The following POU3F3 variants were observed in gnomAD, a reference collection of about 807,000 sequenced individuals.
POU3F3 encodes POU class 3 homeobox 3, also known as POU domain, class 3, transcription factor 3.
In POU3F3, 1 loss-of-function variant was observed where a neutral mutation model predicts 8.6. The observed-to-expected ratio is 0.12, with a 90% CI of 0.04 to 0.55. The LOEUF (loss-of-function observed/expected upper bound fraction) is 0.55, where lower values mean the gene tolerates loss of function less well. POU3F3 is among the 20% of genes least tolerant of loss of function. POU3F3 has a pLI of 0.91. For missense variants in POU3F3, 577 were observed against 690.7 expected (o/e 0.84, Z 1.84); for synonymous variants, 418 against 327.4 (o/e 1.28, Z -2.99).
chr2:104,920,126 C>T, the POU3F3 span, among the ~76,000 whole-genome samples: 4 of 152,128 alleles, frequency 2.6e-5, no homozygotes, highest in Non-Finnish European at 5.9e-5. Flanking sequence ...GGGATTCTCC[C>T]GCCTCAGTCA....
At chr2:104,913,151 C>T in the POU3F3 span, among the ~76,000 whole-genome samples, 3 of 151,160 alleles carry the variant, frequency 2.0e-5, no homozygotes, top group Non-Finnish European at 4.4e-5. Flanking sequence ...AGAGGCAATG[C>T]TTGTGACCGT....
the POU3F3 span, among the ~76,000 whole-genome samples, chr2:104,864,915 C>A: frequency 6.6e-6 from 1 of 152,196 alleles, no homozygotes; most frequent in African/African-American, 2.4e-5. Flanking sequence ...GTTAATATCA[C>A]CCTAGTTGAC....
chr2:104,893,624 G>A, the POU3F3 span, among the ~76,000 whole-genome samples: 3 of 152,220 alleles, frequency 2.0e-5, no homozygotes, highest in East Asian at 5.8e-4. Flanking sequence ...GCTCACACCT[G>A]TAATCCCAGC....
chr2:104,887,180 A>G, the POU3F3 span, among the ~76,000 whole-genome samples: 2 of 152,020 alleles, frequency 1.3e-5, no homozygotes, highest in African/African-American at 4.8e-5. Flanking sequence ...TCTCATCACC[A>G]TCTTGGTTTT....
chr2:104,880,285 G>C, the POU3F3 span, among the ~76,000 whole-genome samples: 1 of 152,030 alleles, frequency 6.6e-6, no homozygotes, highest in East Asian at 1.9e-4. Flanking sequence ...CTTCATTCAC[G>C]TAGTCTGCAA....
upstream of POU3F3, chr2:104,853,535 A>C (rs567976955): frequency 6.5e-6 from 1 of 152,946 alleles, no homozygotes; most frequent in South Asian, 2.1e-4. Flanking sequence ...GGGAAGAGGA[A>C]ACTTTGAAAC....
the POU3F3 span, among the ~76,000 whole-genome samples, chr2:104,877,568 A>G: frequency 6.6e-6 from 1 of 152,202 alleles, no homozygotes; most frequent in African/African-American, 2.4e-5. Flanking sequence ...GACAGAGCCA[A>G]GAGAGTGATG....
the POU3F3 span, among the ~76,000 whole-genome samples, chr2:104,899,929 G>C: frequency 3.3e-5 from 5 of 152,222 alleles, no homozygotes; most frequent in Non-Finnish European, 5.9e-5. Context: ...CACATTCGAA[G>C]ACTGCCCTTG....
the POU3F3 span, among the ~76,000 whole-genome samples, chr2:104,896,458 G>A: frequency 6.6e-6 from 1 of 152,212 alleles, no homozygotes; most frequent in East Asian, 1.9e-4. Context: ...GAGGTTCTAC[G>A]AGATAACACG....
chr2:104,895,474 G>T, the POU3F3 span, among the ~76,000 whole-genome samples: 1 of 152,048 alleles, frequency 6.6e-6, no homozygotes, highest in Non-Finnish European at 1.5e-5. Context: ...TATGTCTACT[G>T]GGTCAATTTT....
the POU3F3 span, among the ~76,000 whole-genome samples, chr2:104,880,582 A>G: frequency 6.6e-6 from 1 of 152,198 alleles, no homozygotes. Flanking sequence ...TGTCCACATC[A>G]GTCCACTCTT....
chr2:104,911,933 T>C, the POU3F3 span, among the ~76,000 whole-genome samples: 1 of 152,278 alleles, frequency 6.6e-6, no homozygotes, highest in Middle Eastern at 3.4e-3. Flanking sequence ...TATTATTATA[T>C]TAAAAACTTA....
rs774442521 is a variant in POU3F3 at position 104,856,191 on chromosome 2, C to A, written c.681C>A (p.Gly227=). The change falls in exon 1 of 1, where the codon GGC becomes GGA. Residue 227 remains glycine (G), a synonymous_variant. Transcript: ENST00000361360. ...PQSLLYSQPG[G]FTVNGMLSAP... ...GTCTGCTCTACTCGCAGCCCGGAGG[C>A]TTCACGGTGAACGGCATGCTGAGCG... The A allele has an allele frequency of 3.2e-6, 4 of 1,267,642 alleles. No individual in the cohort carries two copies. The highest frequency in any genetic ancestry group is 6.7e-5 in the East Asian group (2 of 30,028). 78.5% of individuals were successfully genotyped at this position (1,267,642 alleles called of 1,614,324 possible). A position where few individuals can be genotyped will look rare whatever the true frequency, so the allele number is the denominator to read the frequency against.
chr2:104,861,384 G>C (rs1293745729), downstream of POU3F3, among the ~76,000 whole-genome samples: 4 of 152,196 alleles, frequency 2.6e-5, no homozygotes, highest in Non-Finnish European at 2.9e-5. Flanking sequence ...AGGTGGACCT[G>C]ATTGTTTTTT....
the POU3F3 span, among the ~76,000 whole-genome samples, chr2:104,903,622 A>T: frequency 1.0e-3 from 159 of 152,342 alleles, no homozygotes; most frequent in African/African-American, 3.6e-3. Flanking sequence ...AATTAAGTCA[A>T]CTTTAACACA....
the POU3F3 span, among the ~76,000 whole-genome samples, chr2:104,922,436 A>G: frequency 6.6e-6 from 1 of 151,658 alleles, no homozygotes; most frequent in East Asian, 1.9e-4. Flanking sequence ...GTAAAAAGTC[A>G]AGAAAATGAT....
the POU3F3 span, among the ~76,000 whole-genome samples, chr2:104,923,985 T>C: frequency 6.6e-6 from 1 of 152,012 alleles, no homozygotes; most frequent in Non-Finnish European, 1.5e-5. Flanking sequence ...TTGCCAGTGG[T>C]TGGGGAGAGA....
At chr2:104,868,501 C>A in the POU3F3 span, 1 of 382,692 alleles carries the variant, frequency 2.6e-6, no homozygotes, top group Non-Finnish European at 5.3e-6. Flanking sequence ...AGCATCGCTG[C>A]AGACCTCCAA....
At chr2:104,918,155 T>C in the POU3F3 span, among the ~76,000 whole-genome samples, 1 of 152,236 alleles carries the variant, frequency 6.6e-6, no homozygotes, top group Admixed American at 6.5e-5. Flanking sequence ...TCCCAAGTCG[T>C]AAAATCCTAA....
Sources: allele counts gnomAD v4.1 joint callset (sites outside exome capture counted in the v4.1 genomes callset), GRCh38; gene constraint gnomAD v4.1.1; transcripts MANE v1.5; gene names NCBI Gene and HGNC (gene_info 2026-07-23, HGNC 2026-07-21).